The following UBL3 variants were observed in gnomAD, a reference collection of about 807,000 sequenced individuals.
UBL3 encodes the protein ubiquitin like 3.
Under a neutral mutation model 18.4 loss-of-function variants are expected in UBL3, and 6 were observed. The observed-to-expected ratio is 0.33, with a 90% CI of 0.18 to 0.64. The LOEUF (loss-of-function observed/expected upper bound fraction) is 0.64, where lower values mean the gene tolerates loss of function less well. Among genes scored for constraint, UBL3 ranks in the 30% least tolerant of loss-of-function variants. UBL3 has a pLI of 0.76. For missense variants in UBL3, 109 were observed against 142.9 expected, an observed-to-expected ratio of 0.76 and a Z score of 1.21; for synonymous variants, 49 against 46.6, an observed-to-expected ratio of 1.05 and a Z score of -0.21.
intron 1 of UBL3, chr13:29,779,344 C>T: frequency 5.5e-6 from 2 of 364,042 alleles, no homozygotes; most frequent in East Asian, 1.1e-4. Flanking sequence ...GTCATTAATG[C>T]CCAAGAAATT....
At chr13:29,803,727 A>C (rs1366883891) in intron 1 of UBL3, among the ~76,000 whole-genome samples, 1 of 152,190 alleles carries the variant, frequency 6.6e-6, no homozygotes, top group East Asian at 1.9e-4. Context: ...GGATCAATTC[A>C]ACAAGATCTA....
chr13:29,802,122 C>G (rs9550494), intron 1 of UBL3, among the ~76,000 whole-genome samples: 64,936 of 152,036 alleles, frequency 0.43, 14,976 homozygotes, highest in African/African-American at 0.62. Context: ...AGTGGAGCAA[C>G]AGCCTACCTA....
chr13:29,777,320 G>C, intron 1 of UBL3, 57 bp from the exon 2 acceptor site: 1 of 1,396,502 alleles, frequency 7.2e-7, no homozygotes, highest in Non-Finnish European at 9.8e-7. Context: ...AAGTAAAAAA[G>C]AAGACTCAAA....
chr13:29,826,122 A>G (rs1002407859), intron 1 of UBL3, among the ~76,000 whole-genome samples: 7 of 152,188 alleles, frequency 4.6e-5, no homozygotes, highest in African/African-American at 1.7e-4. Context: ...GGATTTTTGC[A>G]TCGATGTTCA....
At chr13:29,782,609 C>G (rs1016055267) in intron 1 of UBL3, among the ~76,000 whole-genome samples, 53 of 152,112 alleles carry the variant, frequency 3.5e-4, no homozygotes, top group African/African-American at 1.3e-3. Context: ...CAGGAAACTG[C>G]CTAGTTCCAG....
intron 1 of UBL3, among the ~76,000 whole-genome samples, chr13:29,848,481 T>C (rs1879284370): frequency 6.6e-6 from 1 of 151,720 alleles, no homozygotes; most frequent in Non-Finnish European, 1.5e-5. Context: ...TAAATTAAAA[T>C]TAAATTAAAA....
chr13:29,829,699 C>A (rs1464214012), intron 1 of UBL3, among the ~76,000 whole-genome samples: 2 of 152,156 alleles, frequency 1.3e-5, no homozygotes, highest in Non-Finnish European at 2.9e-5. Context: ...CATTGTCCTG[C>A]ACCCACTATA....
At chr13:29,777,121 C>T in intron 2 of UBL3, 34 bp downstream of exon 2, 1 of 1,495,494 alleles carries the variant, frequency 6.7e-7, no homozygotes, top group Non-Finnish European at 9.1e-7. Context: ...TAAGAATCAA[C>T]ATTATTCATA....
intron 1 of UBL3, among the ~76,000 whole-genome samples, chr13:29,795,903 G>A (rs1270243105): frequency 6.6e-6 from 1 of 151,842 alleles, no homozygotes; most frequent in Non-Finnish European, 1.5e-5. Context: ...CTGCACTACA[G>A]CCTGGGTGGC....
At chr13:29,781,050 T>C (rs928729297) in intron 1 of UBL3, among the ~76,000 whole-genome samples, 1 of 152,028 alleles carries the variant, frequency 6.6e-6, no homozygotes, top group African/African-American at 2.4e-5. Flanking sequence ...TGATGCGCGC[T>C]TGTAGTCCCG....
Position 29,777,215 on chromosome 13 carries a change from A to G in UBL3, c.76T>C (p.Phe26Leu), listed in dbSNP as rs1877022579. The G allele has an allele frequency of 1.9e-6, 3 of 1,610,414 alleles. No individual in the cohort carries two copies. Among genetic ancestry groups the G allele is most frequent in the Non-Finnish European group, 1.7e-6 (2 of 1,178,238 alleles). The change falls in exon 2 of 5, where the codon TTT (phenylalanine) becomes CTT (leucine). Residue 26 changes from phenylalanine to leucine, a missense_variant. By Grantham distance (22) the Phe-to-Leu change is conservative. Coordinates refer to ENST00000380680, the MANE Select transcript of UBL3 (RefSeq NM_007106.4). ...TCAGAAGCAGAATCGTTAGGAGAAA[A>G]CAGGAACTCTTTTGTTTTTCCGCTT... ...LVSGKTKEFL[F>L]SPNDSASDIA...
At chr13:29,808,836 T>G (rs12865525) in intron 1 of UBL3, among the ~76,000 whole-genome samples, 15,521 of 152,116 alleles carry the variant, frequency 0.1, 975 homozygotes, top group African/African-American at 0.17. Flanking sequence ...TCCCTTCTTA[T>G]GGAAGTAGTA....
chr13:29,771,341 T>C (rs979442206), intron 3 of UBL3, among the ~76,000 whole-genome samples: 4 of 152,096 alleles, frequency 2.6e-5, no homozygotes, highest in African/African-American at 7.2e-5. Context: ...ATCCTGTTGA[T>C]GGTAGAAAAT....
intron 1 of UBL3, among the ~76,000 whole-genome samples, chr13:29,777,732 T>C (rs1877039246): frequency 6.6e-6 from 1 of 152,206 alleles, no homozygotes; most frequent in Admixed American, 6.5e-5. Flanking sequence ...TTTTTTCCTA[T>C]GAAAATTATT....
At position 29,836,359 on chromosome 13, in the gene UBL3, CAAAT is replaced by C. The variant is rs533801530; in HGVS notation, c.27+13149_27+13152del. Among the ~76,000 whole-genome samples, 58 of 151,334 alleles carry C rather than the reference CAAAT, an allele frequency of 3.8e-4. No homozygotes were observed. In the South Asian group the frequency reaches 7.1e-3, roughly 18 times the overall value. On this transcript the variant is annotated intron_variant, in intron 1 of 4. Transcript: ENST00000380680. ...AAAACAGCAAAAATAAATAAATAAA[CAAAT>C]AAATAAATAAATAAATAAAATAAAA...
chr13:29,833,372 A>AAAAAGACGTCTGGAT (rs1878832646), intron 1 of UBL3, among the ~76,000 whole-genome samples: 1 of 152,244 alleles, frequency 6.6e-6, no homozygotes, highest in African/African-American at 2.4e-5. Context: ...GGATCTATCT[A>AAAAAGACGTCTGGAT]GGACACTGGC....
chr13:29,780,353 C>CAAAA (rs71746248), intron 1 of UBL3, among the ~76,000 whole-genome samples: 1,353 of 8,334 alleles, frequency 0.16, 169 homozygotes, highest in Middle Eastern at 0.33. Context: ...GACTCTGTCT[C>CAAAA]AAAAAAAAAA....
chr13:29,845,957 A>ACC (rs1879218496), intron 1 of UBL3, among the ~76,000 whole-genome samples: 1 of 152,164 alleles, frequency 6.6e-6, no homozygotes, highest in Admixed American at 6.5e-5. Context: ...AATGTTGTAT[A>ACC]CAATACTCTT....
intron 1 of UBL3, among the ~76,000 whole-genome samples, chr13:29,833,574 T>G (rs141375608): frequency 6.9e-4 from 105 of 152,328 alleles, no homozygotes; most frequent in African/African-American, 2.3e-3. Context: ...TTCCCTAAGA[T>G]AGCTGCATGG....
Sources: gnomAD v4.1 joint callset for allele counts (sites outside exome capture counted in the v4.1 genomes callset) on GRCh38, gnomAD v4.1.1 for gene constraint, MANE v1.5 for transcripts, NCBI Gene and HGNC (gene_info 2026-07-23, HGNC 2026-07-21) for gene names.